The following DOCK3 variants were observed in gnomAD, a reference collection of about 807,000 sequenced individuals.
The protein encoded by DOCK3 is dedicator of cytokinesis protein 3.
In DOCK3, 60 loss-of-function variants were observed where a neutral mutation model predicts 265.6. The ratio of observed to expected loss-of-function variants is 0.23; its 90% CI spans 0.18 to 0.28. The LOEUF is 0.28. Among genes scored for constraint, DOCK3 ranks in the 10% least tolerant of loss-of-function variants. The pLI, the probability that DOCK3 is intolerant of heterozygous loss-of-function variation, is 1.00. For synonymous variants in DOCK3, 881 were observed against 938.0 expected (o/e 0.94, Z 1.11); for missense variants, 1,981 against 2,594.3 (o/e 0.76, Z 5.14).
At chr3:51,238,119 C>CTTTTTTTTTTTTTTTTTTTTTTTTT (rs747331452) in intron 21 of DOCK3, among the ~76,000 whole-genome samples, 1 of 47,438 alleles carries the variant, frequency 2.1e-5, no homozygotes, top group Non-Finnish European at 3.7e-5. Context: ...ATATTTACCA[C>CTTTTTTTTTTTTTTTTTTTTTTTTT]TTTTTTTTTT....
At chr3:51,177,217 AT>A (rs1236295517) in intron 12 of DOCK3, among the ~76,000 whole-genome samples, 1 of 152,208 alleles carries the variant, frequency 6.6e-6, no homozygotes, top group African/African-American at 2.4e-5. Context: ...TTCAAAATTA[AT>A]TTTTTGTTTA....
intron 2 of DOCK3, among the ~76,000 whole-genome samples, chr3:50,791,174 C>G (rs1489367374): frequency 6.6e-6 from 1 of 150,486 alleles, no homozygotes; most frequent in Non-Finnish European, 1.5e-5. Flanking sequence ...GTCATGAAAT[C>G]TTTGCCTGTT....
intron 5 of DOCK3, among the ~76,000 whole-genome samples, chr3:51,061,965 A>G (rs554517930): frequency 6.6e-6 from 1 of 152,130 alleles, no homozygotes; most frequent in South Asian, 2.1e-4. Context: ...TTCATAACCC[A>G]CATCTAGTCC....
At position 51,160,563 on chromosome 3, in the gene DOCK3, C is replaced by A; in HGVS notation, c.898C>A (p.Leu300Ile). Residue 300 changes from leucine (L) to isoleucine (I), a missense_variant, in exon 12 of 53, where the codon CTC becomes ATC. Leu to Ile is a conservative substitution (Grantham distance 5, BLOSUM62 2). Coordinates refer to ENST00000266037, the MANE Select transcript of DOCK3 (RefSeq NM_004947.5). ...VAHVIRIGRMLLNDSKKGPPH... is the reference protein window; with the variant it reads ...VAHVIRIGRMILNDSKKGPPH... ...TTTCTGCTGTGCCCAAGGCCGGATG[C>A]TCCTGAACGACTCAAAGAAAGGTCC... The A allele has an allele frequency of 6.2e-7, 1 of 1,611,396 alleles. No homozygotes were observed. Among genetic ancestry groups the A allele is most frequent in the Non-Finnish European group, 8.5e-7 (1 of 1,178,814 alleles).
At chr3:50,764,123 T>TA (rs2040708656) in intron 1 of DOCK3, among the ~76,000 whole-genome samples, 2 of 152,222 alleles carry the variant, frequency 1.3e-5, no homozygotes, top group Admixed American at 6.5e-5. Context: ...GATGTTGTAT[T>TA]ACATTTTTTT....
At chr3:50,713,708 T>TA (rs1199928622) in intron 1 of DOCK3, among the ~76,000 whole-genome samples, 4 of 151,862 alleles carry the variant, frequency 2.6e-5, no homozygotes, top group African/African-American at 9.7e-5. Flanking sequence ...ATCACATACT[T>TA]ACTAGATTTC....
At chr3:51,293,553 G>A (rs939707506) in intron 27 of DOCK3, among the ~76,000 whole-genome samples, 1 of 152,108 alleles carries the variant, frequency 6.6e-6, no homozygotes, top group East Asian at 1.9e-4. Context: ...TGTTGATCTA[G>A]GTAGGGATTT....
intron 32 of DOCK3, among the ~76,000 whole-genome samples, chr3:51,327,962 A>G (rs952787553): frequency 6.6e-6 from 1 of 152,092 alleles, no homozygotes; most frequent in African/African-American, 2.4e-5. Flanking sequence ...GATTACAGGC[A>G]TGAGCCACCA....
chr3:50,798,093 A>G (rs2042886343), intron 2 of DOCK3, among the ~76,000 whole-genome samples: 1 of 152,226 alleles, frequency 6.6e-6, no homozygotes, highest in Non-Finnish European at 1.5e-5. Flanking sequence ...CAGTTAAGCG[A>G]TAGCTGTTAG....
At chr3:51,044,157 G>A (rs916618091) in intron 5 of DOCK3, among the ~76,000 whole-genome samples, 2 of 152,096 alleles carry the variant, frequency 1.3e-5, no homozygotes, top group African/African-American at 2.4e-5. Context: ...ATTCACAATA[G>A]CAAAGACATG....
intron 32 of DOCK3, among the ~76,000 whole-genome samples, chr3:51,329,883 T>G (rs893664464): frequency 1.3e-5 from 2 of 152,216 alleles, no homozygotes; most frequent in Admixed American, 1.3e-4. Flanking sequence ...CCTTTTGCCC[T>G]TAGATTGGAA....
chr3:51,083,963 G>A (rs185553002), intron 7 of DOCK3, among the ~76,000 whole-genome samples: 2 of 152,176 alleles, frequency 1.3e-5, no homozygotes, highest in East Asian at 1.9e-4. Flanking sequence ...CAGCCTGGGC[G>A]ACAGAGCGAG....
chr3:50,963,921 G>T (rs1015458772), intron 5 of DOCK3, among the ~76,000 whole-genome samples: 16 of 152,168 alleles, frequency 1.1e-4, no homozygotes, highest in Non-Finnish European at 1.6e-4. Flanking sequence ...TCTGTAGAAG[G>T]TATCCTCTGT....
chr3:51,067,696 A>G (rs1473506289), intron 6 of DOCK3, among the ~76,000 whole-genome samples: 1 of 150,454 alleles, frequency 6.6e-6, no homozygotes, highest in Non-Finnish European at 1.5e-5. Context: ...TCACTTAAAA[A>G]CCTAAACAAG....
chr3:51,132,177 A>G (rs2084587297), intron 9 of DOCK3, among the ~76,000 whole-genome samples: 1 of 152,180 alleles, frequency 6.6e-6, no homozygotes, highest in Admixed American at 6.5e-5. Flanking sequence ...CCAAGCTGCA[A>G]TATTAAATGC....
At position 51,227,456 on chromosome 3, in the gene DOCK3, CT is replaced by C; in HGVS notation, c.1540+13del. The C allele has an allele frequency of 6.2e-7, 1 of 1,613,610 alleles. No homozygotes were observed. Among genetic ancestry groups the C allele is most frequent in the Admixed American group, 1.7e-5 (1 of 60,010 alleles). The stretch of plus-strand genomic sequence containing the variant: ...TCAGACATTGTTCCAGTGAGTTAGA[CT>C]TCCCCCCCTCCACATTCCCTTGAGA... On this transcript the variant is annotated intron_variant, in intron 16 of 52. Transcript: ENST00000266037.
At chr3:50,741,528 G>A (rs1276485312) in intron 1 of DOCK3, among the ~76,000 whole-genome samples, 4 of 148,420 alleles carry the variant, frequency 2.7e-5, no homozygotes, top group Non-Finnish European at 4.5e-5. Flanking sequence ...TGCAGTGTTT[G>A]GTTTTTTGTT....
At chr3:51,160,049 C>T (rs1158146595) in intron 11 of DOCK3, among the ~76,000 whole-genome samples, 1 of 152,188 alleles carries the variant, frequency 6.6e-6, no homozygotes, top group Non-Finnish European at 1.5e-5. Flanking sequence ...CTTTGGTAAG[C>T]AGGAAAAGTA....
chr3:51,041,280 C>G (rs548311038), intron 5 of DOCK3, among the ~76,000 whole-genome samples: 1 of 122,512 alleles, frequency 8.2e-6, no homozygotes, highest in African/African-American at 3.1e-5. Flanking sequence ...TGCGGTGGTG[C>G]GATCTTGGCT....
Sources: allele counts gnomAD v4.1 joint callset (sites outside exome capture counted in the v4.1 genomes callset), GRCh38; gene constraint gnomAD v4.1.1; transcripts MANE v1.5; gene names NCBI Gene and HGNC (gene_info 2026-07-23, HGNC 2026-07-21).